The following MRC2 variants were observed in gnomAD, a reference collection of about 807,000 sequenced individuals.
The protein encoded by MRC2 is mannose receptor C-type 2.
A neutral mutation model predicts 206.2 loss-of-function variants in MRC2; 84 were observed. The ratio of observed to expected loss-of-function variants is 0.41; its 90% CI spans 0.34 to 0.49. The LOEUF (loss-of-function observed/expected upper bound fraction) is 0.49. Among genes scored for constraint, MRC2 ranks in the 20% least tolerant of loss-of-function variants. The pLI, the probability that MRC2 is intolerant of heterozygous loss-of-function variation, is 0.31. For synonymous variants in MRC2, 798 were observed against 800.0 expected, an observed-to-expected ratio of 1.00 and a Z score of 0.04; for missense variants, 1,676 against 2,001.5, an observed-to-expected ratio of 0.84 and a Z score of 3.10.
In MRC2 at chr17:62,688,452, C is replaced by G. The variant is rs747893573; in HGVS notation, c.3061+49C>G. 1.3e-5 allele frequency: 21 copies of G among 1,614,028 alleles called. No homozygotes were observed. The Admixed American group carries it at 1.5e-4, about 12-fold the overall frequency. On this transcript the variant is annotated intron_variant, in intron 21 of 29. Transcript: ENST00000303375. ...CCCAGTATCCTCTGACACTGTCCCC[C>G]CAAATAGCTATAGCAGAGTCACTCA...
chr17:62,640,017 CTTT>C (rs56703312), intron 1 of MRC2, among the ~76,000 whole-genome samples: 3 of 74,360 alleles, frequency 4.0e-5, no homozygotes, highest in South Asian at 5.8e-4. Context: ...CCATGCCCAG[CTTT>C]TTTTTTTTTT....
chr17:62,646,325 CCT>C (rs1316692365), intron 1 of MRC2, among the ~76,000 whole-genome samples: 2 of 151,730 alleles, frequency 1.3e-5, no homozygotes, highest in Non-Finnish European at 2.9e-5. Flanking sequence ...CGCCCGGCCC[CCT>C]CTCTCTCTTT....
Position 62,664,511 on chromosome 17 carries a change from C to A in MRC2, c.119-37C>A, listed in dbSNP as rs1200686705. On this transcript the variant is annotated intron_variant, in intron 1 of 29. Coordinates refer to ENST00000303375, the MANE Select transcript of MRC2 (RefSeq NM_006039.5). This position sits in a 1 kb window ranked among gnomAD's most constrained non-coding sequence, Gnocchi z 4.7. ...GGTCATCAAGGGCCAACCAGGAGAG[C>A]CCCTGTGATGCCTTCGTGTCTTGCC... The A allele has an allele frequency of 1.3e-6, 2 of 1,572,542 alleles. No individual in the cohort carries two copies. Among genetic ancestry groups the A allele is most frequent in the Non-Finnish European group, 8.6e-7 (1 of 1,159,804 alleles).
chr17:62,661,988 C>G (rs1023526694), intron 1 of MRC2, among the ~76,000 whole-genome samples: 3 of 152,064 alleles, frequency 2.0e-5, no homozygotes, highest in African/African-American at 7.2e-5. Flanking sequence ...TGGCTCATGC[C>G]TGTAATCCTA....
intron 23 of MRC2, 95 bp downstream of exon 23, chr17:62,689,055 G>C: frequency 1.0e-6 from 1 of 981,848 alleles, no homozygotes; most frequent in Non-Finnish European, 1.6e-6. Flanking sequence ...ATGGTCCCTG[G>C]CAGAGCAGGG....
At chr17:62,690,535 A>G in intron 26 of MRC2, 107 bp from the exon 27 acceptor site, 1 of 1,494,528 alleles carries the variant, frequency 6.7e-7, no homozygotes, top group Non-Finnish European at 9.0e-7. Flanking sequence ...CACAGACTCC[A>G]CACCATCCTC....
intron 1 of MRC2, among the ~76,000 whole-genome samples, chr17:62,637,535 C>CA (rs61648461): frequency 0.52 from 70,654 of 136,346 alleles, 19,353 homozygotes; most frequent in East Asian, 0.81. Flanking sequence ...GACTGTGTCT[C>CA]AAAAAAAAAA....
In MRC2 at chr17:62,671,999, G is replaced by A; in HGVS notation, c.1308G>A (p.Glu436=). 1 of 1,614,118 alleles carries A rather than the reference G, an allele frequency of 6.2e-7. No homozygotes were observed. Among genetic ancestry groups the A allele is most frequent in the South Asian group, 1.1e-5 (1 of 91,078 alleles). ...LEFITKQIKQ[E]VEELWIGLND... ...CCTCCTCTCCTGCTGCACCCCCAGA[G>A]GTGGAGGAGCTGTGGATCGGCCTCA... is the stretch of plus-strand genomic sequence containing the variant. Residue 436 remains glutamate, a splice_region_variant and synonymous_variant, in exon 8 of 30, where the codon GAG becomes GAA. Transcript: ENST00000303375. The surrounding 1 kb of genome is among the most constrained non-coding windows in gnomAD (Gnocchi z 4.5).
At chr17:62,636,243 C>G (rs1488074952) in intron 1 of MRC2, among the ~76,000 whole-genome samples, 8 of 113,894 alleles carry the variant, frequency 7.0e-5, no homozygotes, top group Non-Finnish European at 1.5e-4. Flanking sequence ...AGAGTGAGAC[C>G]CTGTCGCAAA....
At chr17:62,632,047 G>A (rs1041197737) in intron 1 of MRC2, among the ~76,000 whole-genome samples, 12 of 152,178 alleles carry the variant, frequency 7.9e-5, no homozygotes, top group East Asian at 3.9e-4. Context: ...GCTTTCCCAC[G>A]CCTGGGTCCT....
chr17:62,689,803 G>T, intron 24 of MRC2, 43 bp downstream of exon 24: 1 of 1,530,898 alleles, frequency 6.5e-7, no homozygotes, highest in South Asian at 1.2e-5. Flanking sequence ...GCCTTGCCCG[G>T]GTTCCCCTCC....
At chr17:62,657,253 T>C (rs1428044906) in intron 1 of MRC2, among the ~76,000 whole-genome samples, 1 of 152,160 alleles carries the variant, frequency 6.6e-6, no homozygotes, top group East Asian at 1.9e-4. Context: ...GACCATATGG[T>C]GATAAGGGCT....
At position 62,664,604 on chromosome 17, in the gene MRC2, G is replaced by A; in HGVS notation, c.175G>A (p.Gly59Ser). ...HGLQGCLEAQ[G>S]GQVRVTPACN... ...ACTGCAGGGCTGCCTGGAGGCCCAG[G>A]GCGGGCAGGTCAGAGTCACCCCGGC... The change falls in exon 2 of 30, where the codon GGC (glycine) becomes AGC (serine). Residue 59 changes from glycine to serine, a missense_variant. Physicochemically the swap from Gly to Ser is moderately conservative, Grantham distance 56. Around this residue, in one of 3 missense-constraint regions of MRC2, gnomAD observed 318 missense variants for 346.7 expected, o/e 0.92. Coordinates refer to ENST00000303375, the MANE Select transcript of MRC2 (RefSeq NM_006039.5). The surrounding 1 kb of genome is among the most constrained non-coding windows in gnomAD (Gnocchi z 4.7). The A allele has an allele frequency of 1.9e-6, 3 of 1,613,556 alleles. No individual in the cohort carries two copies. The highest frequency in any genetic ancestry group is 2.7e-5 in the African/African-American group (2 of 75,060).
At chr17:62,689,870 C>T (rs1191249111) in intron 24 of MRC2, 24 bp from the exon 25 acceptor site, 4 of 1,572,466 alleles carry the variant, frequency 2.5e-6, no homozygotes, top group Non-Finnish European at 3.5e-6. Flanking sequence ...CCCTTCCTCC[C>T]ACCCCATGGC....
intron 1 of MRC2, among the ~76,000 whole-genome samples, chr17:62,649,941 T>G (rs1334600904): frequency 6.6e-6 from 1 of 151,870 alleles, no homozygotes. Flanking sequence ...GCTCTATTGC[T>G]GAGGTTGGAG....
At chr17:62,632,902 G>A (rs1047158471) in intron 1 of MRC2, among the ~76,000 whole-genome samples, 1 of 152,178 alleles carries the variant, frequency 6.6e-6, no homozygotes, top group Middle Eastern at 3.2e-3. Flanking sequence ...CTGAGCAGTG[G>A]CCCCTTCCTC....
At chr17:62,669,974 G>T (rs1288752142) in intron 6 of MRC2, among the ~76,000 whole-genome samples, 1 of 152,188 alleles carries the variant, frequency 6.6e-6, no homozygotes, top group African/African-American at 2.4e-5. Flanking sequence ...GGAGCCTTGG[G>T]CCCTAGTCCA....
intron 20 of MRC2, among the ~76,000 whole-genome samples, chr17:62,686,345 C>T (rs571210041): frequency 1.3e-5 from 2 of 152,094 alleles, no homozygotes; most frequent in East Asian, 1.9e-4. Flanking sequence ...CCCAGCTACT[C>T]GGGAGGCTGA....
intron 1 of MRC2, among the ~76,000 whole-genome samples, chr17:62,635,019 C>T (rs1470290290): frequency 6.6e-6 from 1 of 151,468 alleles, no homozygotes; most frequent in Admixed American, 6.6e-5. Context: ...TTAGTGGAGA[C>T]GGGGTTTTAC....
Sources: gnomAD v4.1 joint callset for allele counts (sites outside exome capture counted in the v4.1 genomes callset) on GRCh38, gnomAD v4.1.1 for gene constraint, gnomAD v4.1.1 regional missense constraint, Gnocchi (gnomAD v3.1) non-coding constraint, MANE v1.5 for transcripts, NCBI Gene and HGNC (gene_info 2026-07-23, HGNC 2026-07-21) for gene names.